Variants in NXPE2 observed in about 807,000 individuals in gnomAD.
NXPE2 encodes the protein NXPE family member 2.
NXPE2 carries 34 observed loss-of-function variants against 34.4 expected under a neutral mutation model. That is an observed-to-expected ratio of 0.99 (90% CI 0.75 to 1.31). The LOEUF (loss-of-function observed/expected upper bound fraction) is 1.31. NXPE2 is among the 40% of genes most tolerant of loss of function. NXPE2 has a pLI of 0.00. For synonymous variants in NXPE2, 235 were observed against 231.3 expected, an observed-to-expected ratio of 1.02 and a Z score of -0.15; for missense variants, 649 against 672.5, an observed-to-expected ratio of 0.97 and a Z score of 0.39.
At chr11:114,561,990 C>T in the NXPE2 span, among the ~76,000 whole-genome samples, 1 of 152,106 alleles carries the variant, frequency 6.6e-6, no homozygotes, top group Non-Finnish European at 1.5e-5. Context: ...TAACAAATAT[C>T]TAGTTAACTC....
chr11:114,741,388 A>G, the NXPE2 span, among the ~76,000 whole-genome samples: 1 of 152,072 alleles, frequency 6.6e-6, no homozygotes, highest in African/African-American at 2.4e-5. Flanking sequence ...GTTTTCAGCC[A>G]TTACTACTTT....
chr11:114,755,433 G>A, the NXPE2 span, among the ~76,000 whole-genome samples: 2 of 151,904 alleles, frequency 1.3e-5, no homozygotes, highest in Non-Finnish European at 2.9e-5. Context: ...TCTATTTTTA[G>A]CATAAAGTCT....
chr11:114,530,772 T>C, the NXPE2 span: 1 of 1,614,234 alleles, frequency 6.2e-7, no homozygotes, highest in Non-Finnish European at 8.5e-7. Context: ...CTGATCTAGT[T>C]TCTCTATGAT....
the NXPE2 span, among the ~76,000 whole-genome samples, chr11:114,773,839 A>G: frequency 2.6e-5 from 4 of 152,186 alleles, no homozygotes; most frequent in South Asian, 4.1e-4. Context: ...GTCTGCTCCT[A>G]TCCTCAGACT....
chr11:114,733,889 G>A, the NXPE2 span, among the ~76,000 whole-genome samples: 1 of 152,098 alleles, frequency 6.6e-6, no homozygotes, highest in Non-Finnish European at 1.5e-5. Context: ...TGTTAACCCA[G>A]TCCCATGTGT....
At chr11:114,611,458 T>A in the NXPE2 span, among the ~76,000 whole-genome samples, 3 of 151,942 alleles carry the variant, frequency 2.0e-5, no homozygotes, top group South Asian at 6.2e-4. Context: ...GGATAATAAG[T>A]ATTGCCTCGT....
the NXPE2 span, among the ~76,000 whole-genome samples, chr11:114,588,031 C>G: frequency 6.6e-6 from 1 of 152,132 alleles, no homozygotes; most frequent in Non-Finnish European, 1.5e-5. Context: ...TGTGAGACAA[C>G]CCAGAACTTT....
chr11:114,721,094 G>A, the NXPE2 span, among the ~76,000 whole-genome samples: 1 of 152,050 alleles, frequency 6.6e-6, no homozygotes, highest in Non-Finnish European at 1.5e-5. Context: ...TCCCCCAGGA[G>A]TTCTCTCACC....
chr11:114,602,221 T>G, the NXPE2 span, among the ~76,000 whole-genome samples: 1 of 107,044 alleles, frequency 9.3e-6, no homozygotes, highest in Non-Finnish European at 1.7e-5. Flanking sequence ...CAATATATGT[T>G]ATAGATTATA....
the NXPE2 span, among the ~76,000 whole-genome samples, chr11:114,479,916 A>T: frequency 6.6e-6 from 1 of 152,170 alleles, no homozygotes; most frequent in Non-Finnish European, 1.5e-5. Flanking sequence ...GCTTATAATC[A>T]TGGTGGAAGG....
At chr11:114,778,575 GA>G in the NXPE2 span, among the ~76,000 whole-genome samples, 4 of 152,184 alleles carry the variant, frequency 2.6e-5, no homozygotes, top group African/African-American at 9.7e-5. Flanking sequence ...ACAGATTTGA[GA>G]GATAATTTGG....
the NXPE2 span, among the ~76,000 whole-genome samples, chr11:114,605,155 G>A: frequency 1.3e-5 from 2 of 150,848 alleles, no homozygotes; most frequent in African/African-American, 4.9e-5. Context: ...CTGTTTCCCA[G>A]GGATAATAAG....
chr11:114,638,740 G>A, the NXPE2 span, among the ~76,000 whole-genome samples: 1 of 152,040 alleles, frequency 6.6e-6, no homozygotes, highest in Non-Finnish European at 1.5e-5. Context: ...TCCAGACCCT[G>A]TTTGCCTGGG....
At chr11:114,762,337 T>C in the NXPE2 span, among the ~76,000 whole-genome samples, 1,277 of 152,270 alleles carry the variant, frequency 8.4e-3, 11 homozygotes, top group Non-Finnish European at 0.014. Flanking sequence ...ATGTTGTGTC[T>C]TTCACAGCCT....
chr11:114,536,015 T>C, the NXPE2 span, among the ~76,000 whole-genome samples: 127 of 152,266 alleles, frequency 8.3e-4, no homozygotes, highest in South Asian at 1.0e-3. Context: ...ATTCCAAAAT[T>C]GACCACATAG....
the NXPE2 span, among the ~76,000 whole-genome samples, chr11:114,636,193 A>C: frequency 6.6e-6 from 1 of 151,936 alleles, no homozygotes; most frequent in Non-Finnish European, 1.5e-5. Context: ...TAGTCTTAGG[A>C]GGGTGTATGT....
chr11:114,685,263 CA>C (rs1951025537), intron 2 of NXPE2, among the ~76,000 whole-genome samples: 1 of 152,094 alleles, frequency 6.6e-6, no homozygotes, highest in South Asian at 2.1e-4. Context: ...GGCTTACAAG[CA>C]ATATAAATTT....
the NXPE2 span, among the ~76,000 whole-genome samples, chr11:114,641,353 A>T: frequency 3.3e-5 from 5 of 152,210 alleles, no homozygotes; most frequent in African/African-American, 1.2e-4. Flanking sequence ...AGTACACATG[A>T]AACCCAAAAA....
the NXPE2 span, among the ~76,000 whole-genome samples, chr11:114,782,994 A>G: frequency 5.9e-5 from 9 of 152,222 alleles, no homozygotes; most frequent in Non-Finnish European, 1.0e-4. Flanking sequence ...TTGCTTGTTA[A>G]AAACGCATAA....
Sources: allele counts gnomAD v4.1 joint callset (sites outside exome capture counted in the v4.1 genomes callset), GRCh38; gene constraint gnomAD v4.1.1; transcripts MANE v1.5; gene names NCBI Gene and HGNC (gene_info 2026-07-23, HGNC 2026-07-21).